Variants in STRIP1 observed in about 807,000 individuals in gnomAD.
STRIP1 encodes the protein striatin-interacting protein 1.
A neutral mutation model predicts 106.2 loss-of-function variants in STRIP1; 63 were observed. That is an observed-to-expected ratio of 0.59 (90% CI 0.48 to 0.73). The LOEUF (loss-of-function observed/expected upper bound fraction) is 0.73, where lower values mean the gene tolerates loss of function less well. STRIP1 is among the 30% of genes least tolerant of loss of function. STRIP1 has a pLI of 0.00. For missense variants in STRIP1, 857 were observed against 1,074.8 expected (o/e 0.80, Z 2.83); for synonymous variants, 390 against 413.0 (o/e 0.94, Z 0.67).
intron 12 of STRIP1, chr1:110,045,300 G>A (rs751486404): frequency 7.4e-6 from 4 of 539,598 alleles, no homozygotes; most frequent in Non-Finnish European, 1.3e-5. Flanking sequence ...GGGACTGACT[G>A]GGAAGTCTTT....
At chr1:110,037,842 G>C (rs1482917058) in intron 1 of STRIP1, 49 bp from the exon 2 acceptor site, 1 of 1,302,298 alleles carries the variant, frequency 7.7e-7, no homozygotes, top group East Asian at 2.3e-5. Flanking sequence ...GAGTTTCTTT[G>C]ATAAATAGAA....
chr1:110,039,296 T>C lies in STRIP1; in HGVS notation c.450T>C (p.Tyr150=). 6.2e-7 allele frequency: 1 copy of C among 1,614,138 alleles called. No homozygotes were observed. Among genetic ancestry groups the C allele is most frequent in the South Asian group, 1.1e-5 (1 of 91,076 alleles). Residue 150 remains tyrosine (Y), a synonymous_variant, in exon 4 of 21, where the codon TAT becomes TAC. Coordinates refer to ENST00000369795, the MANE Select transcript of STRIP1 (RefSeq NM_033088.4). ...TCAAGGTGGCTCGAGCAATTCTCTATGTTGCTCAAGGTATTGAGTGGACCT... is the reference window on the plus strand; with the variant it reads ...TCAAGGTGGCTCGAGCAATTCTCTACGTTGCTCAAGGTATTGAGTGGACCT... ...KRLKVARAIL[Y]VAQGTFGECS...
At position 110,046,790 on chromosome 1, in the gene STRIP1, G is replaced by A. The variant is rs566999664; in HGVS notation, c.1488+39G>A. 6.6e-6 allele frequency: 10 copies of A among 1,512,802 alleles called. No homozygotes were observed. The African/African-American group carries it at 6.9e-5, about 10-fold the overall frequency. 93.7% of individuals were successfully genotyped at this position (1,512,802 alleles called of 1,614,324 possible). A position where few individuals can be genotyped will look rare whatever the true frequency, so the allele number is the denominator to read the frequency against. On this transcript the variant is annotated intron_variant, in intron 13 of 20. Transcript: ENST00000369795. The stretch of plus-strand genomic sequence containing the variant: ...CCTCAGTCCGGGCGCGGTGGCTCAC[G>A]CCTGTAATCCCAGCACTTTGGGAGG...
chr1:110,041,437 A>G, intron 6 of STRIP1, 99 bp from the exon 7 acceptor site: 1 of 748,742 alleles, frequency 1.3e-6, no homozygotes, highest in Non-Finnish European at 2.3e-6. Context: ...ACCATTTATT[A>G]ATAGTAAGCC....
intron 8 of STRIP1, 77 bp from the exon 9 acceptor site, chr1:110,043,011 T>C (rs1222215763): frequency 7.1e-7 from 1 of 1,407,068 alleles, no homozygotes; most frequent in African/African-American, 1.4e-5. Flanking sequence ...CATGAATGTT[T>C]CTGAGCCTGA....
At chr1:110,039,010 T>G (rs1652628136) in intron 3 of STRIP1, 162 bp from the exon 4 acceptor site, 1 of 884,068 alleles carries the variant, frequency 1.1e-6, no homozygotes. Context: ...CGTTTCAGTT[T>G]GGAATCAAAT....
chr1:110,049,804 A>T, intron 17 of STRIP1: 2 of 455,452 alleles, frequency 4.4e-6, no homozygotes, highest in Non-Finnish European at 7.8e-6. Flanking sequence ...TCATCCCAGG[A>T]TCTAGTACTT....
At chr1:110,043,328 C>T (rs1398087121) in intron 9 of STRIP1, 58 bp downstream of exon 9, 17 of 1,533,448 alleles carry the variant, frequency 1.1e-5, no homozygotes, top group Non-Finnish European at 1.2e-5. Flanking sequence ...ATGCTTGCAG[C>T]AGCACAGTCC....
At chr1:110,044,310 G>C (rs1023438059) in intron 10 of STRIP1, among the ~76,000 whole-genome samples, 2 of 152,214 alleles carry the variant, frequency 1.3e-5, no homozygotes, top group African/African-American at 4.8e-5. Flanking sequence ...AATGGTGTCT[G>C]TTTGATAGGC....
At chr1:110,040,399 C>T (rs890595176) in intron 5 of STRIP1, among the ~76,000 whole-genome samples, 11 of 152,186 alleles carry the variant, frequency 7.2e-5, no homozygotes, top group African/African-American at 2.7e-4. Context: ...CCAGGCTGGT[C>T]TCAAACTCTT....
chr1:110,046,852 C>A, intron 13 of STRIP1, 101 bp downstream of exon 13: 1 of 842,262 alleles, frequency 1.2e-6, no homozygotes, highest in South Asian at 1.4e-5. Context: ...GAGATTGAGA[C>A]CATCCTGGCT....
intron 6 of STRIP1, among the ~76,000 whole-genome samples, chr1:110,040,904 G>A (rs1652728073): frequency 6.6e-6 from 1 of 152,202 alleles, no homozygotes; most frequent in African/African-American, 2.4e-5. Context: ...GACTCCCAAA[G>A]GCAATCCAGG....
intron 12 of STRIP1, 129 bp downstream of exon 12, chr1:110,045,207 T>TCTGCAATAACCTTGCAAACAGGTTTACTG: frequency 1.3e-6 from 1 of 749,258 alleles, no homozygotes; most frequent in Admixed American, 2.5e-5. Context: ...CGGGGTGGAC[T>TCTGCAATAACCTTGCAAACAGGTTTACTG]TTGCAATAAC....
Position 110,054,096 on chromosome 1 carries a change from C to A in STRIP1, c.*184C>A. On this transcript the variant is annotated 3_prime_UTR_variant, in exon 21 of 21. Coordinates refer to ENST00000369795, the MANE Select transcript of STRIP1 (RefSeq NM_033088.4). ...TTGACCTCCCCTTGGTTCCCAGGGT[C>A]CTGCTCCGAAGCAGTCATCTCTGCC... 1 of 641,272 alleles carries A rather than the reference C, an allele frequency of 1.6e-6. No individual in the cohort carries two copies. The allele number at this position is 641,272 out of a possible 1,614,324, so 39.7% of individuals were successfully genotyped here. A position where few individuals can be genotyped will look rare whatever the true frequency, so the allele number is the denominator to read the frequency against.
intron 5 of STRIP1, chr1:110,039,981 C>A: frequency 9.6e-7 from 1 of 1,044,218 alleles, no homozygotes; most frequent in Non-Finnish European, 1.3e-6. Flanking sequence ...AATGATAAAG[C>A]TAAGACAGCT....
rs528109444 is a variant in STRIP1 at position 110,040,710 on chromosome 1, C to A, written c.650+7C>A. The stretch of plus-strand genomic sequence containing the variant: ...CTGACAGCACAGACCTCAGGTGAGG[C>A]GAGCAGCAAGCCTGGGCTCCTGAGC... On this transcript the variant is annotated splice_region_variant and intron_variant, in intron 6 of 20. Transcript: ENST00000369795. 2 of 1,607,490 alleles carry A rather than the reference C, an allele frequency of 1.2e-6. No individual in the cohort carries two copies. The highest frequency in any genetic ancestry group is 1.7e-6 in the Non-Finnish European group (2 of 1,177,068).
intron 20 of STRIP1, among the ~76,000 whole-genome samples, chr1:110,052,706 G>A (rs1002388563): frequency 2.0e-5 from 3 of 152,112 alleles, no homozygotes; most frequent in Admixed American, 1.3e-4. Context: ...CTGGCCTCAA[G>A]AGATGCACCC....
chr1:110,035,558 G>A (rs1652411011), intron 1 of STRIP1, among the ~76,000 whole-genome samples: 1 of 152,170 alleles, frequency 6.6e-6, no homozygotes, highest in Non-Finnish European at 1.5e-5. Context: ...GTCTGGAACT[G>A]ACTAGTAACC....
chr1:110,050,180 T>G, intron 17 of STRIP1, 163 bp from the exon 18 acceptor site: 3 of 631,790 alleles, frequency 4.7e-6, no homozygotes, highest in East Asian at 5.6e-5. Context: ...AGATATTTCC[T>G]CATCTTATAG....
Sources: allele counts gnomAD v4.1 joint callset (sites outside exome capture counted in the v4.1 genomes callset), GRCh38; gene constraint gnomAD v4.1.1; transcripts MANE v1.5; gene names NCBI Gene and HGNC (gene_info 2026-07-23, HGNC 2026-07-21).